Variants in LGMN observed in about 807,000 individuals in gnomAD.
LGMN encodes the protein asparaginyl endopeptidase.
A neutral mutation model predicts 56.8 loss-of-function variants in LGMN; 36 were observed. That is an observed-to-expected ratio of 0.63 (90% CI 0.49 to 0.84). The LOEUF is 0.84. LGMN is among the 40% of genes least tolerant of loss of function. The probability of loss-of-function intolerance (pLI) is 0.00; values close to 1 mark genes in which losing one functional copy is unlikely to be tolerated. For missense variants in LGMN, 446 were observed against 556.1 expected (o/e 0.80, Z 1.99); for synonymous variants, 199 against 210.1 (o/e 0.95, Z 0.46).
intron 1 of LGMN, 132 bp from the exon 2 acceptor site, chr14:92,732,947 G>C: frequency 1.6e-6 from 1 of 621,658 alleles, no homozygotes; most frequent in Non-Finnish European, 2.6e-6. Context: ...TCAGGAGTTT[G>C]AGATCAGCTT....
At chr14:92,712,717 G>C (rs1889845733) in intron 8 of LGMN, 88 bp downstream of exon 8, 2 of 1,291,092 alleles carry the variant, frequency 1.5e-6, no homozygotes, top group South Asian at 1.2e-5. Context: ...AGCAGCCCCT[G>C]CTTACGGAGA....
intron 2 of LGMN, among the ~76,000 whole-genome samples, chr14:92,731,211 G>A (rs1378542266): frequency 6.6e-6 from 1 of 152,220 alleles, no homozygotes; most frequent in African/African-American, 2.4e-5. Context: ...AGCGCTCTTA[G>A]AAGAGAGCCC....
intron 1 of LGMN, among the ~76,000 whole-genome samples, chr14:92,746,491 G>A (rs1891825973): frequency 6.6e-6 from 1 of 152,130 alleles, no homozygotes; most frequent in South Asian, 2.1e-4. Context: ...TACCTCCTTA[G>A]AGCTATCAAA....
In LGMN at chr14:92,704,229, C is replaced by A; in HGVS notation, c.*90G>T. The A allele has an allele frequency of 6.4e-7, 1 of 1,557,984 alleles. No individual in the cohort carries two copies. Among genetic ancestry groups the A allele is most frequent in the East Asian group, 2.2e-5 (1 of 44,616 alleles). Reference sequence around the variant, plus strand: ...GGGCTCCCCAGGAGGGCCCGAGCAGCGGAGACTTCTCACTCCACCTCTCCA... The same window carrying A: ...GGGCTCCCCAGGAGGGCCCGAGCAGAGGAGACTTCTCACTCCACCTCTCCA... On this transcript the variant is annotated 3_prime_UTR_variant, in exon 14 of 14. Coordinates refer to ENST00000334869, the MANE Select transcript of LGMN (RefSeq NM_005606.7).
In LGMN at chr14:92,704,241, A is replaced by G; in HGVS notation, c.*78T>C. On this transcript the variant is annotated 3_prime_UTR_variant, in exon 14 of 14. Transcript: ENST00000334869. ...AGGGCCCGAGCAGCGGAGACTTCTC[A>G]CTCCACCTCTCCAGTCTCTGATCAG... 1 of 1,597,324 alleles carries G rather than the reference A, an allele frequency of 6.3e-7. No homozygotes were observed. Among genetic ancestry groups the G allele is most frequent in the Non-Finnish European group, 8.6e-7 (1 of 1,164,908 alleles).
rs184080500 is a variant in LGMN, at chr14:92,723,085, C to T, written c.139-4241G>A. 3.8e-4 allele frequency among the ~76,000 whole-genome samples: 57 copies of T among 151,064 alleles called. No individual in the cohort carries two copies. In the East Asian group the frequency reaches 8.2e-3, roughly 22 times the overall value. ...TTTTTGAGACAGAGTCTTGTTCTGT[C>T]GCCCAGACTGGAGTGCAGTGGTGCG... On this transcript the variant is annotated intron_variant, in intron 2 of 13. Transcript: ENST00000334869.
intron 8 of LGMN, 71 bp from the exon 9 acceptor site, chr14:92,712,026 C>A (rs1370374528): frequency 5.2e-6 from 6 of 1,161,952 alleles, no homozygotes; most frequent in Non-Finnish European, 7.7e-6. Context: ...AAGCTTGAGT[C>A]CTTCTTTCTC....
At position 92,714,775 on chromosome 14, in the gene LGMN, C is replaced by T. The variant is rs1375708085; in HGVS notation, c.405-324G>A. ...GGGTCCTTTGGCAATTGGGCCTCAT[C>T]CCAGGCAGCCACACTCTCCAACCAG... is the stretch of plus-strand genomic sequence containing the variant. On this transcript the variant is annotated intron_variant, in intron 5 of 13. Coordinates refer to ENST00000334869, the MANE Select transcript of LGMN (RefSeq NM_005606.7). The surrounding 1 kb of genome is among the most constrained non-coding windows in gnomAD (Gnocchi z 5.1). 6.6e-6 allele frequency among the ~76,000 whole-genome samples: 1 copy of T among 152,122 alleles called. No individual in the cohort carries two copies. The highest frequency in any genetic ancestry group is 1.5e-5 in the Non-Finnish European group (1 of 68,028).
intron 2 of LGMN, among the ~76,000 whole-genome samples, chr14:92,730,323 G>A (rs757743258): frequency 6.6e-5 from 10 of 152,122 alleles, no homozygotes; most frequent in East Asian, 1.9e-4. Context: ...ATACAAAAAC[G>A]ATTCGAGAAA....
At chr14:92,706,401 G>A in intron 12 of LGMN, 82 bp downstream of exon 12, 1 of 1,198,498 alleles carries the variant, frequency 8.3e-7, no homozygotes, top group Non-Finnish European at 1.1e-6. Flanking sequence ...CTTCTATAAG[G>A]TCGTACAACC....
intron 2 of LGMN, among the ~76,000 whole-genome samples, chr14:92,721,766 G>A (rs1890491195): frequency 6.6e-6 from 1 of 152,118 alleles, no homozygotes; most frequent in South Asian, 2.1e-4. Context: ...AAAATAAATT[G>A]TCATAAGTTC....
At chr14:92,711,514 T>G (rs1221339623) in intron 10 of LGMN, 145 bp downstream of exon 10, 1 of 759,742 alleles carries the variant, frequency 1.3e-6, no homozygotes, top group Non-Finnish European at 2.3e-6. Context: ...GTCCCCAGGA[T>G]GGAGTGGCAT....
intron 2 of LGMN, among the ~76,000 whole-genome samples, chr14:92,720,542 G>A (rs943786231): frequency 5.9e-5 from 9 of 152,274 alleles, no homozygotes; most frequent in Middle Eastern, 3.4e-3. Flanking sequence ...TGGTGCATGC[G>A]TGTAATCCTA....
intron 11 of LGMN, among the ~76,000 whole-genome samples, chr14:92,707,763 T>C (rs1358419226): frequency 6.6e-6 from 1 of 152,256 alleles, no homozygotes; most frequent in Non-Finnish European, 1.5e-5. Flanking sequence ...AAAGTATAAT[T>C]ATGCAATAGT....
intron 11 of LGMN, among the ~76,000 whole-genome samples, chr14:92,708,012 G>A (rs1022950625): frequency 2.0e-4 from 30 of 152,020 alleles, no homozygotes; most frequent in Admixed American, 1.6e-3. Context: ...TTAGCCAGGC[G>A]TGGTGACGGG....
chr14:92,745,017 G>A (rs1013519379), intron 1 of LGMN, among the ~76,000 whole-genome samples: 2 of 152,132 alleles, frequency 1.3e-5, no homozygotes, highest in Non-Finnish European at 1.5e-5. Context: ...TTGGGTCAAC[G>A]GTGGGCACAG....
rs1595533876 is a variant in LGMN, at chr14:92,714,545, TG to T, written c.405-95del. On this transcript the variant is annotated intron_variant, in intron 5 of 13. Coordinates refer to ENST00000334869, the MANE Select transcript of LGMN (RefSeq NM_005606.7). This position sits in a 1 kb window ranked among gnomAD's most constrained non-coding sequence, Gnocchi z 5.1. Reference sequence around the variant, plus strand: ...GCCCTAATCAAAAAATTAAGAAGTTTGGGGAGTAGAGTTGCCCAACCAGGTT... The same window carrying T: ...GCCCTAATCAAAAAATTAAGAAGTTTGGGAGTAGAGTTGCCCAACCAGGTT... The T allele has an allele frequency of 2.1e-6, 2 of 945,744 alleles. No homozygotes were observed. The allele number at this position is 945,744 out of a possible 1,614,324, so 58.6% of individuals were successfully genotyped here.
intron 8 of LGMN, among the ~76,000 whole-genome samples, chr14:92,712,477 G>C (rs529915630): frequency 6.6e-6 from 1 of 152,326 alleles, no homozygotes; most frequent in East Asian, 1.9e-4. Context: ...GAGGGTCAAA[G>C]AGAGTCAGTC....
At chr14:92,720,296 T>C (rs1890393874) in intron 2 of LGMN, among the ~76,000 whole-genome samples, 1 of 152,212 alleles carries the variant, frequency 6.6e-6, no homozygotes, top group Non-Finnish European at 1.5e-5. Flanking sequence ...ATGATCCCCA[T>C]TTTATTATGG....
Sources: gnomAD v4.1 joint callset for allele counts (sites outside exome capture counted in the v4.1 genomes callset) on GRCh38, gnomAD v4.1.1 for gene constraint, Gnocchi (gnomAD v3.1) non-coding constraint, MANE v1.5 for transcripts, NCBI Gene and HGNC (gene_info 2026-07-23, HGNC 2026-07-21) for gene names.